TNFSF4: variants seen among roughly 807,000 people sequenced by gnomAD.
The protein encoded by TNFSF4 is tumor necrosis factor ligand superfamily member 4.
In TNFSF4, 4 loss-of-function variants were observed where a neutral mutation model predicts 7.3. That is an observed-to-expected ratio of 0.55 (90% CI 0.27 to 1.25). The LOEUF (loss-of-function observed/expected upper bound fraction) is 1.25. Ranked by LOEUF, TNFSF4 falls within the 50% of genes most tolerant of loss-of-function variation. The probability of loss-of-function intolerance (pLI) is 0.12; values close to 1 mark genes in which losing one functional copy is unlikely to be tolerated. For synonymous variants in TNFSF4, 76 were observed against 83.7 expected, an observed-to-expected ratio of 0.91 and a Z score of 0.50; for missense variants, 181 against 208.8, an observed-to-expected ratio of 0.87 and a Z score of 0.82.
the TNFSF4 span, among the ~76,000 whole-genome samples, chr1:173,307,972 G>C: frequency 6.6e-6 from 1 of 151,878 alleles, no homozygotes; most frequent in Non-Finnish European, 1.5e-5. Context: ...TTACTAGTAA[G>C]GTGGAGCACC....
chr1:173,328,806 AATAG>A, the TNFSF4 span, among the ~76,000 whole-genome samples: 1 of 152,204 alleles, frequency 6.6e-6, no homozygotes, highest in African/African-American at 2.4e-5. Context: ...AAAGAAAAAA[AATAG>A]ATAAATTGAA....
chr1:173,193,079 T>C (rs10489268), intron 1 of TNFSF4, among the ~76,000 whole-genome samples: 22,826 of 152,132 alleles, frequency 0.15, 2,153 homozygotes, highest in Middle Eastern at 0.27. Flanking sequence ...ATCATATCAG[T>C]GCTCTGACTC....
chr1:173,189,662 G>A lies in TNFSF4; in HGVS notation c.154-1093C>T, dbSNP rs1035095512. On this transcript the variant is annotated intron_variant, in intron 1 of 2. Coordinates refer to ENST00000281834, the MANE Select transcript of TNFSF4 (RefSeq NM_003326.5). ...TCTTAAGTAAAAAAAAGTTGGGGGG[G>A]GTGCAGAATTATACATAAAATATAT... is the stretch of plus-strand genomic sequence containing the variant. Among the ~76,000 whole-genome samples, 7 of 151,872 alleles carry A rather than the reference G, an allele frequency of 4.6e-5. 1 individual carries two copies. The South Asian group carries it at 6.3e-4, about 14-fold the overall frequency.
At chr1:173,376,715 G>A in the TNFSF4 span, among the ~76,000 whole-genome samples, 2 of 152,210 alleles carry the variant, frequency 1.3e-5, no homozygotes, top group Admixed American at 1.3e-4. Flanking sequence ...GGTGAAATAA[G>A]GGAATAAAAG....
chr1:173,395,041 A>T, the TNFSF4 span, among the ~76,000 whole-genome samples: 1 of 88,800 alleles, frequency 1.1e-5, no homozygotes, highest in Non-Finnish European at 2.9e-5. Context: ...GATAGATGAT[A>T]GATAGATAGA....
chr1:173,445,436 T>A, the TNFSF4 span, among the ~76,000 whole-genome samples: 14 of 152,122 alleles, frequency 9.2e-5, no homozygotes, highest in Admixed American at 6.5e-5. Context: ...CTGAAGAACA[T>A]AGAAAGGAAT....
At chr1:173,204,989 T>C (rs1419704404) in intron 1 of TNFSF4, among the ~76,000 whole-genome samples, 3 of 151,994 alleles carry the variant, frequency 2.0e-5, no homozygotes, top group Non-Finnish European at 4.4e-5. Context: ...TATCAGGTTC[T>C]AGGGAAAACA....
chr1:173,317,448 CA>C, the TNFSF4 span, among the ~76,000 whole-genome samples: 1 of 152,238 alleles, frequency 6.6e-6, no homozygotes, highest in African/African-American at 2.4e-5. Flanking sequence ...AACGGAGAGT[CA>C]AAGGTGTACC....
At chr1:173,316,351 G>A in the TNFSF4 span, among the ~76,000 whole-genome samples, 1 of 151,896 alleles carries the variant, frequency 6.6e-6, no homozygotes, top group Non-Finnish European at 1.5e-5. Flanking sequence ...TATAATAAAG[G>A]AATAAACTTG....
At chr1:173,204,969 T>C (rs1455296621) in intron 1 of TNFSF4, among the ~76,000 whole-genome samples, 1 of 151,610 alleles carries the variant, frequency 6.6e-6, no homozygotes, top group Non-Finnish European at 1.5e-5. Flanking sequence ...ACCAACATTA[T>C]TTGGTAAACT....
At chr1:173,425,280 T>C in the TNFSF4 span, among the ~76,000 whole-genome samples, 4 of 152,158 alleles carry the variant, frequency 2.6e-5, no homozygotes, top group Non-Finnish European at 5.9e-5. Context: ...GAGTGCTCCA[T>C]AAGAATAGCT....
the TNFSF4 span, among the ~76,000 whole-genome samples, chr1:173,450,610 C>T: frequency 1.3e-5 from 2 of 151,530 alleles, no homozygotes; most frequent in Non-Finnish European, 2.9e-5. Context: ...GAATGCAAGG[C>T]TCACTCAACA....
the TNFSF4 span, among the ~76,000 whole-genome samples, chr1:173,268,931 GT>G: frequency 1.3e-5 from 2 of 152,096 alleles, no homozygotes; most frequent in Admixed American, 6.6e-5. Context: ...GAAATCTTAA[GT>G]GGTGCTGATA....
At chr1:173,266,587 C>T in the TNFSF4 span, among the ~76,000 whole-genome samples, 1 of 152,124 alleles carries the variant, frequency 6.6e-6, no homozygotes, top group Non-Finnish European at 1.5e-5. Flanking sequence ...AGATGCCTTT[C>T]TTCATGTTCT....
the TNFSF4 span, among the ~76,000 whole-genome samples, chr1:173,257,496 C>T: frequency 2.6e-5 from 4 of 152,368 alleles, no homozygotes; most frequent in East Asian, 7.7e-4. Context: ...ACCCTCACTT[C>T]TGACCAACGG....
At chr1:173,335,038 A>G in the TNFSF4 span, among the ~76,000 whole-genome samples, 1 of 152,170 alleles carries the variant, frequency 6.6e-6, no homozygotes, top group East Asian at 1.9e-4. Flanking sequence ...AGGAAATAAA[A>G]TTGAATCAGG....
At chr1:173,298,756 TATC>T in the TNFSF4 span, among the ~76,000 whole-genome samples, 962 of 152,022 alleles carry the variant, frequency 6.3e-3, 3 homozygotes, top group Non-Finnish European at 0.011. Flanking sequence ...TCAGCCAAAA[TATC>T]ATCATCACTA....
At chr1:173,265,894 C>A in the TNFSF4 span, among the ~76,000 whole-genome samples, 1 of 152,080 alleles carries the variant, frequency 6.6e-6, no homozygotes, top group Non-Finnish European at 1.5e-5. Flanking sequence ...CTCCCTATTG[C>A]AAAAGTCATA....
the TNFSF4 span, among the ~76,000 whole-genome samples, chr1:173,271,973 A>G: frequency 6.6e-6 from 1 of 152,282 alleles, no homozygotes; most frequent in South Asian, 2.1e-4. Flanking sequence ...GGTGGACTGG[A>G]TTAAGAAAAT....
Sources: gnomAD v4.1 joint callset for allele counts (sites outside exome capture counted in the v4.1 genomes callset) on GRCh38, gnomAD v4.1.1 for gene constraint, MANE v1.5 for transcripts, NCBI Gene and HGNC (gene_info 2026-07-23, HGNC 2026-07-21) for gene names.